The following RUNX2 variants were observed in gnomAD, a reference collection of about 807,000 sequenced individuals.
RUNX2 encodes runt-related transcription factor 2.
Under a neutral mutation model 51.7 loss-of-function variants are expected in RUNX2, and 10 were observed. That is an observed-to-expected ratio of 0.19 (90% CI 0.12 to 0.33). The LOEUF (loss-of-function observed/expected upper bound fraction) is 0.33. RUNX2 is among the 10% of genes least tolerant of loss of function. The probability of loss-of-function intolerance (pLI) is 1.00; values close to 1 mark genes in which losing one functional copy is unlikely to be tolerated. For synonymous variants in RUNX2, 276 were observed against 273.6 expected, an observed-to-expected ratio of 1.01 and a Z score of -0.09; for missense variants, 562 against 691.3, an observed-to-expected ratio of 0.81 and a Z score of 2.10.
At chr6:45,336,882 A>T (rs976964423) in intron 2 of RUNX2, among the ~76,000 whole-genome samples, 1 of 151,620 alleles carries the variant, frequency 6.6e-6, no homozygotes, top group Non-Finnish European at 1.5e-5. Context: ...ATCCAGAAAC[A>T]TCTTAAATGC....
intron 6 of RUNX2, among the ~76,000 whole-genome samples, chr6:45,510,180 C>A (rs1563117381): frequency 6.6e-6 from 1 of 152,164 alleles, no homozygotes; most frequent in Non-Finnish European, 1.5e-5. Context: ...TGTTGCCAAT[C>A]TCTACAATCT....
intron 2 of RUNX2, among the ~76,000 whole-genome samples, chr6:45,352,735 C>A (rs1792318610): frequency 6.6e-6 from 1 of 150,774 alleles, no homozygotes. Flanking sequence ...AAAATAGAAC[C>A]ATTTGATCAC....
chr6:45,515,229 T>G (rs746470119), intron 7 of RUNX2, among the ~76,000 whole-genome samples: 3 of 152,206 alleles, frequency 2.0e-5, no homozygotes, highest in Non-Finnish European at 4.4e-5. Context: ...AATAAAATTC[T>G]TCACTTCACA....
At chr6:45,330,893 T>C (rs531540860) in intron 2 of RUNX2, among the ~76,000 whole-genome samples, 1 of 152,114 alleles carries the variant, frequency 6.6e-6, no homozygotes, top group Admixed American at 6.6e-5. Flanking sequence ...TGTTATCACA[T>C]TGCAAACATT....
chr6:45,435,637 C>G (rs140838642), intron 4 of RUNX2, among the ~76,000 whole-genome samples: 1 of 152,142 alleles, frequency 6.6e-6, no homozygotes, highest in Non-Finnish European at 1.5e-5. Context: ...GGATTACAGG[C>G]GTGAGCCACC....
chr6:45,516,802 G>A (rs557109970), intron 7 of RUNX2, among the ~76,000 whole-genome samples: 44 of 152,330 alleles, frequency 2.9e-4, no homozygotes, highest in Non-Finnish European at 4.4e-4. Flanking sequence ...ATTTCTGGAA[G>A]TCATTACAAA....
At chr6:45,379,699 T>G (rs1797185695) in intron 2 of RUNX2, among the ~76,000 whole-genome samples, 1 of 152,076 alleles carries the variant, frequency 6.6e-6, no homozygotes. Flanking sequence ...ACCCCGTCTC[T>G]ACTAAAAATA....
chr6:45,334,449 C>CAAAAAA (rs551014969), intron 2 of RUNX2, among the ~76,000 whole-genome samples: 1,372 of 90,298 alleles, frequency 0.015, 1 homozygote, highest in African/African-American at 0.018. Flanking sequence ...TCAGGAAAAG[C>CAAAAAA]AAAAAAAAAA....
intron 5 of RUNX2, among the ~76,000 whole-genome samples, chr6:45,489,084 A>G (rs931005456): frequency 5.9e-5 from 9 of 152,296 alleles, no homozygotes; most frequent in Admixed American, 1.3e-4. Flanking sequence ...TTGTTCTTCA[A>G]TGTACTTCAT....
intron 6 of RUNX2, among the ~76,000 whole-genome samples, chr6:45,499,363 T>C (rs1800735535): frequency 6.6e-6 from 1 of 152,208 alleles, no homozygotes; most frequent in South Asian, 2.1e-4. Flanking sequence ...TAGAAAGGGC[T>C]CAAATCCTGT....
intron 5 of RUNX2, among the ~76,000 whole-genome samples, chr6:45,459,573 C>G (rs1799414112): frequency 6.6e-6 from 1 of 152,204 alleles, no homozygotes; most frequent in African/African-American, 2.4e-5. Flanking sequence ...CATGTTCATT[C>G]TTTCAACAAG....
intron 2 of RUNX2, chr6:45,365,387 T>G: frequency 1.2e-6 from 1 of 863,138 alleles, no homozygotes; most frequent in Non-Finnish European, 1.8e-6. Context: ...ATAAATTACT[T>G]CAAAAAGTAG....
intron 5 of RUNX2, among the ~76,000 whole-genome samples, chr6:45,441,656 T>C (rs1297302241): frequency 2.6e-5 from 4 of 152,200 alleles, no homozygotes; most frequent in Admixed American, 2.6e-4. Context: ...TGTTCTCTAG[T>C]ATATTACTTT....
intron 2 of RUNX2, among the ~76,000 whole-genome samples, chr6:45,331,783 C>T (rs896645124): frequency 4.6e-5 from 7 of 151,896 alleles, no homozygotes; most frequent in Non-Finnish European, 1.0e-4. Flanking sequence ...TACATGATTA[C>T]ATTATGATAT....
chr6:45,464,050 A>C (rs1799555678), intron 5 of RUNX2, among the ~76,000 whole-genome samples: 1 of 152,116 alleles, frequency 6.6e-6, no homozygotes, highest in Admixed American at 6.5e-5. Flanking sequence ...AAAATTAGCC[A>C]GGCGTGGTGG....
intron 2 of RUNX2, among the ~76,000 whole-genome samples, chr6:45,356,885 AC>A (rs1004072834): frequency 5.9e-5 from 9 of 152,150 alleles, no homozygotes; most frequent in Non-Finnish European, 1.3e-4. Flanking sequence ...AATTACACTC[AC>A]CTTTTTTAAT....
intron 2 of RUNX2, among the ~76,000 whole-genome samples, chr6:45,380,518 G>A (rs1797214602): frequency 6.6e-6 from 1 of 152,334 alleles, no homozygotes; most frequent in East Asian, 1.9e-4. Context: ...ATTCTCAAAA[G>A]AGCAGCAGAA....
intron 2 of RUNX2, among the ~76,000 whole-genome samples, chr6:45,370,591 A>C (rs1795896306): frequency 1.3e-5 from 2 of 152,212 alleles, no homozygotes; most frequent in South Asian, 4.1e-4. Flanking sequence ...AGGATCAACT[A>C]ATCTCATAAG....
intron 2 of RUNX2, among the ~76,000 whole-genome samples, chr6:45,352,837 A>G (rs1356009254): frequency 6.6e-6 from 1 of 152,086 alleles, no homozygotes; most frequent in Non-Finnish European, 1.5e-5. Context: ...ATATAATTCT[A>G]TTAGTCAGAA....
Sources: gnomAD v4.1 joint callset for allele counts (sites outside exome capture counted in the v4.1 genomes callset) on GRCh38, gnomAD v4.1.1 for gene constraint, MANE v1.5 for transcripts, NCBI Gene and HGNC (gene_info 2026-07-23, HGNC 2026-07-21) for gene names.